The following AAK1 variants were observed in gnomAD, a reference collection of about 807,000 sequenced individuals.
AAK1 encodes the protein AP2 associated kinase 1.
A neutral mutation model predicts 116.0 loss-of-function variants in AAK1; 37 were observed. The observed-to-expected ratio is 0.32, with a 90% confidence interval of 0.25 to 0.42. The LOEUF (loss-of-function observed/expected upper bound fraction) is 0.42, where lower values mean the gene tolerates loss of function less well. Ranked by LOEUF, AAK1 falls within the 10% of genes least tolerant of loss-of-function variation. The probability of loss-of-function intolerance (pLI) is 1.00; values close to 1 mark genes in which losing one functional copy is unlikely to be tolerated. For missense variants in AAK1, 919 were observed against 1,170.6 expected (o/e 0.79, Z 3.14); for synonymous variants, 458 against 439.9 (o/e 1.04, Z -0.51).
intron 2 of AAK1, among the ~76,000 whole-genome samples, chr2:69,579,639 C>T (rs1247837190): frequency 1.3e-5 from 2 of 152,176 alleles, no homozygotes; most frequent in Non-Finnish European, 2.9e-5. Context: ...AAGAAAAGGA[C>T]ATGACATGCT....
At chr2:69,515,060 A>C (rs1676529404) in intron 12 of AAK1, among the ~76,000 whole-genome samples, 1 of 152,192 alleles carries the variant, frequency 6.6e-6, no homozygotes, top group South Asian at 2.1e-4. Context: ...GTGACTCCAT[A>C]AGCTAGAGTA....
intron 20 of AAK1, 145 bp downstream of exon 20, chr2:69,478,806 T>C (rs1674966088): frequency 1.5e-6 from 1 of 658,682 alleles, no homozygotes; most frequent in Admixed American, 2.6e-5. Flanking sequence ...TAACACAGTA[T>C]CTAGGAGATA....
chr2:69,527,445 A>G (rs923293141), intron 8 of AAK1, 126 bp from the exon 9 acceptor site: 2 of 638,034 alleles, frequency 3.1e-6, no homozygotes. Flanking sequence ...GAAGTCAGAC[A>G]GTATAATTAT....
intron 2 of AAK1, among the ~76,000 whole-genome samples, chr2:69,584,343 T>C (rs75804468): frequency 0.015 from 2,267 of 152,350 alleles, 161 homozygotes; most frequent in Admixed American, 0.1. Flanking sequence ...TCTGGGTTGA[T>C]GAGCTTTACA....
At chr2:69,599,548 T>C (rs1486251650) in intron 2 of AAK1, among the ~76,000 whole-genome samples, 1 of 152,200 alleles carries the variant, frequency 6.6e-6, no homozygotes, top group Admixed American at 6.5e-5. Flanking sequence ...TTCAATACTA[T>C]ATAAATAGAA....
chr2:69,642,829 C>G, intron 2 of AAK1, 49 bp downstream of exon 2: 1 of 1,610,828 alleles, frequency 6.2e-7, no homozygotes. Flanking sequence ...CACAGTATTG[C>G]CGCATCAGCA....
intron 2 of AAK1, among the ~76,000 whole-genome samples, chr2:69,575,510 C>T (rs1052410040): frequency 6.8e-6 from 1 of 147,690 alleles, no homozygotes; most frequent in Non-Finnish European, 1.5e-5. Flanking sequence ...ACTCTTGTCG[C>T]CCAGGCTGGA....
intron 2 of AAK1, among the ~76,000 whole-genome samples, chr2:69,637,813 C>A (rs1484987681): frequency 6.6e-6 from 1 of 152,130 alleles, no homozygotes; most frequent in East Asian, 1.9e-4. Context: ...TTCTTGTGTA[C>A]TCTACATGGC....
At chr2:69,595,801 C>T (rs1321229993) in intron 2 of AAK1, among the ~76,000 whole-genome samples, 4 of 152,198 alleles carry the variant, frequency 2.6e-5, no homozygotes, top group Non-Finnish European at 2.9e-5. Context: ...CCATCTAAGA[C>T]TTTCATAGCT....
At chr2:69,573,633 C>G (rs554627556) in intron 2 of AAK1, among the ~76,000 whole-genome samples, 167 of 152,312 alleles carry the variant, frequency 1.1e-3, no homozygotes, top group African/African-American at 3.8e-3. Context: ...AGAGATCTTT[C>G]AACTCCTAAA....
At chr2:69,613,337 G>A (rs1674170188) in intron 2 of AAK1, among the ~76,000 whole-genome samples, 2 of 152,306 alleles carry the variant, frequency 1.3e-5, no homozygotes, top group Non-Finnish European at 2.9e-5. Flanking sequence ...AGGGGTGATA[G>A]GAGCATCTTT....
chr2:69,563,478 A>G (rs1365669634), intron 2 of AAK1, among the ~76,000 whole-genome samples: 1 of 152,186 alleles, frequency 6.6e-6, no homozygotes, highest in Non-Finnish European at 1.5e-5. Context: ...TCAGGCCTAG[A>G]TTCTAGGCAC....
chr2:69,491,633 A>G (rs1675526591), intron 17 of AAK1, among the ~76,000 whole-genome samples: 1 of 152,198 alleles, frequency 6.6e-6, no homozygotes, highest in Non-Finnish European at 1.5e-5. Flanking sequence ...AGAGAAAAAT[A>G]TCATTTTATG....
intron 2 of AAK1, among the ~76,000 whole-genome samples, chr2:69,575,503 CTT>C (rs1672275707): frequency 7.4e-6 from 1 of 135,908 alleles, no homozygotes; most frequent in South Asian, 2.4e-4. Flanking sequence ...GAGTTTCACT[CTT>C]GTCGCCCAGG....
chr2:69,476,055 C>T, intron 21 of AAK1, 92 bp from the exon 22 acceptor site: 2 of 1,472,420 alleles, frequency 1.4e-6, no homozygotes, highest in South Asian at 2.7e-5. Flanking sequence ...CAAACCAAAA[C>T]CAAAACCAAA....
At chr2:69,480,828 A>G in intron 19 of AAK1, 32 bp downstream of exon 19, 4 of 1,533,046 alleles carry the variant, frequency 2.6e-6, no homozygotes, top group Non-Finnish European at 3.5e-6. Flanking sequence ...CACACCGACC[A>G]GTCCCTGCAG....
Position 69,466,897 on chromosome 2 carries a change from C to T in AAK1, c.*8972G>A. On this transcript the variant is annotated 3_prime_UTR_variant, in exon 22 of 22. Transcript: ENST00000409085. ...TGGCTCATTATGGAATGAAAACAAACCCAGTCATTCATCTCCACATATACC... is the reference window on the plus strand; with the variant it reads ...TGGCTCATTATGGAATGAAAACAAATCCAGTCATTCATCTCCACATATACC... 6.1e-6 allele frequency: 6 copies of T among 985,414 alleles called. No homozygotes were observed. Among genetic ancestry groups the T allele is most frequent in the Non-Finnish European group, 7.2e-6 (6 of 829,932 alleles). 61.0% of individuals were successfully genotyped at this position (985,414 alleles called of 1,614,324 possible). A position where few individuals can be genotyped will look rare whatever the true frequency, so the allele number is the denominator to read the frequency against.
chr2:69,580,824 T>C (rs1672511928), intron 2 of AAK1, among the ~76,000 whole-genome samples: 3 of 152,226 alleles, frequency 2.0e-5, no homozygotes, highest in Non-Finnish European at 2.9e-5. Flanking sequence ...CTATGAAGGC[T>C]TTAATGCACT....
In AAK1 at chr2:69,474,481, G is replaced by A; in HGVS notation, c.*1388C>T. On this transcript the variant is annotated 3_prime_UTR_variant, in exon 22 of 22. Coordinates refer to ENST00000409085, the MANE Select transcript of AAK1 (RefSeq NM_014911.5). ...GGCATGTTGTCATGTTAGTGCAGGG[G>A]CCTTTATTTATTTTATGAACAATAT... The A allele has an allele frequency of 1.0e-6, 1 of 985,224 alleles. No homozygotes were observed. Among genetic ancestry groups the A allele is most frequent in the Admixed American group, 6.1e-5 (1 of 16,266 alleles). The allele number at this position is 985,224 out of a possible 1,614,324, so 61.0% of individuals were successfully genotyped here.
Sources: gnomAD v4.1 joint callset for allele counts (sites outside exome capture counted in the v4.1 genomes callset) on GRCh38, gnomAD v4.1.1 for gene constraint, MANE v1.5 for transcripts, NCBI Gene and HGNC (gene_info 2026-07-23, HGNC 2026-07-21) for gene names.